The following NPAS3 variants were observed in gnomAD, a reference collection of about 807,000 sequenced individuals.
The protein encoded by NPAS3 is neuronal PAS domain protein 3.
A neutral mutation model predicts 73.1 loss-of-function variants in NPAS3; 14 were observed. The observed-to-expected ratio is 0.19, with a 90% confidence interval of 0.13 to 0.30. The LOEUF is 0.30. Among genes scored for constraint, NPAS3 ranks in the 10% least tolerant of loss-of-function variants. The pLI is 1.00. For synonymous variants in NPAS3, 620 were observed against 541.5 expected (o/e 1.14, Z -2.01); for missense variants, 1,096 against 1,250.0 (o/e 0.88, Z 1.86).
At chr14:33,552,542 A>G (rs1026070524) in intron 4 of NPAS3, among the ~76,000 whole-genome samples, 5 of 152,228 alleles carry the variant, frequency 3.3e-5, no homozygotes, top group African/African-American at 9.6e-5. Context: ...TATATTATAT[A>G]TAATACGTGT....
At chr14:33,746,190 TA>T (rs2061787877) in intron 7 of NPAS3, among the ~76,000 whole-genome samples, 2 of 150,852 alleles carry the variant, frequency 1.3e-5, no homozygotes, top group African/African-American at 2.5e-5. Context: ...TTTATTTATT[TA>T]TTTATTTATT....
intron 1 of NPAS3, among the ~76,000 whole-genome samples, chr14:32,962,752 G>A (rs2036986555): frequency 6.6e-6 from 1 of 150,692 alleles, no homozygotes; most frequent in Non-Finnish European, 1.5e-5. Context: ...TAGTAGAGAC[G>A]GGGTTTCACC....
At chr14:33,779,648 A>G (rs566961329) in intron 9 of NPAS3, among the ~76,000 whole-genome samples, 3 of 152,344 alleles carry the variant, frequency 2.0e-5, no homozygotes, top group African/African-American at 7.2e-5. Flanking sequence ...GCCTACCAGT[A>G]TTCAGTAGAG....
chr14:33,008,118 AG>A (rs2039064087), intron 1 of NPAS3, among the ~76,000 whole-genome samples: 1 of 152,238 alleles, frequency 6.6e-6, no homozygotes, highest in East Asian at 1.9e-4. Context: ...AGAATGATAG[AG>A]AAACACCAGC....
In NPAS3 at chr14:33,543,999, A is replaced by ATATC. The variant is rs199685952; in HGVS notation, c.469-16118_469-16115dup. Reference sequence around the variant, plus strand: ...TATATATATATATATATATATATATATATCTATATCAGGAATAGGTGCTGA... The same window carrying ATATC: ...TATATATATATATATATATATATATATATCTATCTATATCAGGAATAGGTGCTGA... On this transcript the variant is annotated intron_variant, in intron 4 of 11. Coordinates refer to ENST00000356141, the Ensembl canonical transcript of NPAS3. Among the ~76,000 whole-genome samples, 418 of 64,094 alleles carry ATATC rather than the reference A, an allele frequency of 6.5e-3. 1 individual carries two copies. The highest frequency in any genetic ancestry group is 0.015 in the South Asian group (31 of 2,082). The allele number at this position is 64,094 out of a possible 152,430, so 42.0% of individuals were successfully genotyped here. A position where few individuals can be genotyped will look rare whatever the true frequency, so the allele number is the denominator to read the frequency against.
chr14:33,711,565 G>A (rs4981204), intron 6 of NPAS3, among the ~76,000 whole-genome samples: 1 of 151,918 alleles, frequency 6.6e-6, no homozygotes, highest in Non-Finnish European at 1.5e-5. Flanking sequence ...GTTTTCATTC[G>A]CCTGTTTTAT....
Position 33,310,025 on chromosome 14 carries a change from A to G in NPAS3, c.386-57161A>G, listed in dbSNP as rs376295131. 3.2e-4 allele frequency among the ~76,000 whole-genome samples: 49 copies of G among 152,240 alleles called. 1 individual carries two copies. Among genetic ancestry groups the G allele is most frequent in the Middle Eastern group, 3.4e-3 (1 of 294 alleles). On this transcript the variant is annotated intron_variant, in intron 3 of 11. Transcript: ENST00000356141. ...GATCCAGTTTGTTTTCACCTTTACTACTGTAAGAAGAAAGAAAGAAATGTA... is the reference window on the plus strand; with the variant it reads ...GATCCAGTTTGTTTTCACCTTTACTGCTGTAAGAAGAAAGAAAGAAATGTA...
At chr14:32,984,355 C>T (rs1437434424) in intron 1 of NPAS3, among the ~76,000 whole-genome samples, 2 of 152,104 alleles carry the variant, frequency 1.3e-5, no homozygotes. Context: ...ATTTTTAGTG[C>T]TTCTGTAAGG....
At chr14:33,176,299 C>G (rs2045587958) in intron 2 of NPAS3, among the ~76,000 whole-genome samples, 1 of 152,144 alleles carries the variant, frequency 6.6e-6, no homozygotes, top group East Asian at 1.9e-4. Context: ...GTTGTGCAGC[C>G]ATCACCACTA....
intron 4 of NPAS3, among the ~76,000 whole-genome samples, chr14:33,557,931 C>T (rs929187348): frequency 6.6e-6 from 1 of 152,020 alleles, no homozygotes; most frequent in South Asian, 2.1e-4. Flanking sequence ...GTCTCGCTAC[C>T]GCACTCCAGC....
chr14:33,615,167 G>T (rs944707945), intron 5 of NPAS3, among the ~76,000 whole-genome samples: 22 of 152,120 alleles, frequency 1.4e-4, no homozygotes, highest in Non-Finnish European at 3.1e-4. Context: ...TTTGAGTGGG[G>T]CAGTAGGCAG....
At chr14:32,979,800 C>A in intron 1 of NPAS3, among the ~76,000 whole-genome samples, 1 of 152,164 alleles carries the variant, frequency 6.6e-6, no homozygotes, top group South Asian at 2.1e-4. Flanking sequence ...TTCTGTATTT[C>A]CAAGATCACA....
At chr14:33,490,089 T>C (rs1409832992) in intron 4 of NPAS3, among the ~76,000 whole-genome samples, 1 of 152,158 alleles carries the variant, frequency 6.6e-6, no homozygotes, top group Admixed American at 6.6e-5. Context: ...AAAAAAGTTC[T>C]CTTTGTGCAA....
intron 4 of NPAS3, among the ~76,000 whole-genome samples, chr14:33,431,079 T>G (rs1255443619): frequency 6.6e-6 from 1 of 152,130 alleles, no homozygotes; most frequent in Non-Finnish European, 1.5e-5. Flanking sequence ...AAATGCAAAA[T>G]TATATAATGT....
intron 11 of NPAS3, among the ~76,000 whole-genome samples, chr14:33,798,693 A>T (rs1373923041): frequency 3.3e-5 from 5 of 152,176 alleles, no homozygotes; most frequent in African/African-American, 1.2e-4. Context: ...AAATTGCATT[A>T]ATTTGAAAGT....
At chr14:33,346,086 G>T (rs1381507173) in intron 3 of NPAS3, among the ~76,000 whole-genome samples, 2 of 151,930 alleles carry the variant, frequency 1.3e-5, no homozygotes, top group African/African-American at 2.4e-5. Context: ...CAAAAAATTA[G>T]CTGGGCATGG....
chr14:32,999,510 CA>C (rs5807698), intron 1 of NPAS3, among the ~76,000 whole-genome samples: 40,161 of 143,026 alleles, frequency 0.28, 6,343 homozygotes, highest in African/African-American at 0.47. Context: ...GATTCTATCT[CA>C]AAAAAAAAAA....
At chr14:33,470,422 T>C (rs1163554425) in intron 4 of NPAS3, among the ~76,000 whole-genome samples, 3 of 152,114 alleles carry the variant, frequency 2.0e-5, no homozygotes, top group African/African-American at 7.2e-5. Flanking sequence ...CATGAACAAA[T>C]CCCTTTACTA....
intron 2 of NPAS3, among the ~76,000 whole-genome samples, chr14:33,184,258 G>A (rs1389206861): frequency 2.0e-5 from 3 of 152,140 alleles, no homozygotes; most frequent in South Asian, 2.1e-4. Context: ...TTTAAGGATA[G>A]GCAGGTCTTA....
Sources: gnomAD v4.1 joint callset for allele counts (sites outside exome capture counted in the v4.1 genomes callset) on GRCh38, gnomAD v4.1.1 for gene constraint, MANE v1.5 for transcripts, NCBI Gene and HGNC (gene_info 2026-07-23, HGNC 2026-07-21) for gene names.